The following MED25 variants were observed in gnomAD, a reference collection of about 807,000 sequenced individuals.
MED25 encodes the protein mediator of RNA polymerase II transcription subunit 25.
In MED25, 62 loss-of-function variants were observed where a neutral mutation model predicts 89.4. The ratio of observed to expected loss-of-function variants is 0.69; its 90% CI spans 0.57 to 0.86. The LOEUF is 0.86. Among genes scored for constraint, MED25 ranks in the 40% least tolerant of loss-of-function variants. MED25 has a pLI of 0.00. For missense variants in MED25, 905 were observed against 1,005.2 expected (o/e 0.90, Z 1.35); for synonymous variants, 449 against 427.9 (o/e 1.05, Z -0.61).
At chr19:49,822,922 C>T (rs1345927139) in intron 3 of MED25, among the ~76,000 whole-genome samples, 2 of 152,126 alleles carry the variant, frequency 1.3e-5, no homozygotes, top group Non-Finnish European at 2.9e-5. Flanking sequence ...GCTGGGATTA[C>T]AGGCGTGAGC....
Position 49,832,081 on chromosome 19 carries a change from C to T in MED25, c.1317-19C>T, listed in dbSNP as rs912091485. The T allele has an allele frequency of 9.9e-6, 16 of 1,613,840 alleles. No homozygotes were observed. Among genetic ancestry groups the T allele is most frequent in the Non-Finnish European group, 1.3e-5 (15 of 1,179,934 alleles). ...TGGGGCTGGCCCCCTCCTCACACCT[C>T]TCCTGGCATCGCCCCCAGGAAGACG... On this transcript the variant is annotated intron_variant, in intron 11 of 17. Coordinates refer to ENST00000312865, the MANE Select transcript of MED25 (RefSeq NM_030973.4).
chr19:49,820,979 A>C (rs1029524262), intron 3 of MED25, among the ~76,000 whole-genome samples: 1 of 152,240 alleles, frequency 6.6e-6, no homozygotes, highest in Non-Finnish European at 1.5e-5. Flanking sequence ...TGTATAATAG[A>C]TTACCACCAA....
chr19:49,830,975 G>A lies in MED25; in HGVS notation c.1101+88G>A. 7.1e-7 allele frequency: 1 copy of A among 1,417,470 alleles called. No homozygotes were observed. The highest frequency in any genetic ancestry group is 9.8e-7 in the Non-Finnish European group (1 of 1,015,962). 87.8% of individuals were successfully genotyped at this position (1,417,470 alleles called of 1,614,324 possible). On this transcript the variant is annotated intron_variant, in intron 9 of 17. Coordinates refer to ENST00000312865, the MANE Select transcript of MED25 (RefSeq NM_030973.4). This position sits in a 1 kb window ranked among gnomAD's most constrained non-coding sequence, Gnocchi z 4.6. ...AGAGGATGAGTCATTTGCCTTCCAG[G>A]GGGATGTGGCTCTCGTGGTTCTGGG...
Position 49,831,705 on chromosome 19 carries a change from C to T in MED25, c.1231-231C>T, listed in dbSNP as rs935719033. On this transcript the variant is annotated intron_variant, in intron 10 of 17. Transcript: ENST00000312865. The surrounding 1 kb of genome is among the most constrained non-coding windows in gnomAD (Gnocchi z 5.0). The stretch of plus-strand genomic sequence containing the variant: ...CAGGATTTGGGGCCCAGAGAAGAGC[C>T]CAGGCGATGTATCATCTGGGGCACA... Among the ~76,000 whole-genome samples the T allele has an allele frequency of 1.3e-5, 2 of 152,010 alleles. No homozygotes were observed. Among genetic ancestry groups the T allele is most frequent in the Non-Finnish European group, 2.9e-5 (2 of 67,988 alleles).
At chr19:49,825,646 A>G (rs2074010801) in intron 3 of MED25, among the ~76,000 whole-genome samples, 1 of 151,570 alleles carries the variant, frequency 6.6e-6, no homozygotes, top group Non-Finnish European at 1.5e-5. Context: ...AGCCCGACCA[A>G]CATGGAGAAA....
intron 12 of MED25, 31 bp from the exon 13 acceptor site, chr19:49,832,277 G>A: frequency 6.5e-7 from 1 of 1,538,270 alleles, no homozygotes; most frequent in Non-Finnish European, 8.9e-7. Context: ...GCCCACACCA[G>A]CATGCCAGCC....
At chr19:49,826,962 G>A (rs142938374) in intron 3 of MED25, among the ~76,000 whole-genome samples, 56 of 152,298 alleles carry the variant, frequency 3.7e-4, no homozygotes, top group African/African-American at 1.2e-3. Context: ...TGATGGACAC[G>A]GTTGGGCCTG....
downstream of MED25, among the ~76,000 whole-genome samples, chr19:49,838,265 C>T (rs1051327583): frequency 5.3e-5 from 8 of 152,112 alleles, no homozygotes; most frequent in African/African-American, 7.2e-5. Flanking sequence ...TTTTTTCTTA[C>T]GAGTTAGTTG....
chr19:49,830,163 C>G lies in MED25; in HGVS notation c.764C>G (p.Ala255Gly), dbSNP rs763825256. 1.7e-5 allele frequency: 28 copies of G among 1,601,970 alleles called. No individual in the cohort carries two copies. The highest frequency in any genetic ancestry group is 2.4e-5 in the Non-Finnish European group (28 of 1,170,654). The change falls in exon 7 of 18, where the codon GCC becomes GGC. Residue 255 changes from alanine (A) to glycine (G), a missense_variant. Physicochemically the swap from Ala to Gly is moderately conservative, Grantham distance 60. Coordinates refer to ENST00000312865, the MANE Select transcript of MED25 (RefSeq NM_030973.4). This position sits in a 1 kb window ranked among gnomAD's most constrained non-coding sequence, Gnocchi z 4.6. ...VPLPPAAPSG[A>G]TLSAAPQQPL... ...CTGCCTCCCGCCGCACCCTCAGGTG[C>G]CACTCTCTCAGCAGCCCCCCAGCAG...
At position 49,835,264 on chromosome 19, in the gene MED25, G is replaced by A. The variant is rs1355303392; in HGVS notation, c.1674+87G>A. On this transcript the variant is annotated intron_variant, in intron 14 of 17. Coordinates refer to ENST00000312865, the MANE Select transcript of MED25 (RefSeq NM_030973.4). This position sits in a 1 kb window ranked among gnomAD's most constrained non-coding sequence, Gnocchi z 6.2. ...CCCCTGGGGTCTCCAGGACCAAGAT[G>A]CCCACCCTTCTCCCAATATGTGGTG... 5.7e-6 allele frequency: 8 copies of A among 1,403,584 alleles called. No homozygotes were observed. The highest frequency in any genetic ancestry group is 4.0e-6 in the Non-Finnish European group (4 of 989,784). 86.9% of individuals were successfully genotyped at this position (1,403,584 alleles called of 1,614,324 possible). A position where few individuals can be genotyped will look rare whatever the true frequency, so the allele number is the denominator to read the frequency against.
Position 49,830,397 on chromosome 19 carries a change from A to G in MED25, c.820-114A>G, listed in dbSNP as rs2074046472. The G allele has an allele frequency of 2.5e-6, 3 of 1,221,106 alleles. No individual in the cohort carries two copies. Among genetic ancestry groups the G allele is most frequent in the South Asian group, 2.5e-5 (2 of 79,994 alleles). The allele number at this position is 1,221,106 out of a possible 1,614,324, so 75.6% of individuals were successfully genotyped here. On this transcript the variant is annotated intron_variant, in intron 7 of 17. Transcript: ENST00000312865. The surrounding 1 kb of genome is among the most constrained non-coding windows in gnomAD (Gnocchi z 4.6). ...TGCTGTGTGATGGGTGTTGTGAGCT[A>G]AGCTATCCCAGCTGGTGCCTCATGG...
At chr19:49,819,118 A>C (rs1047442588) in intron 2 of MED25, 54 bp from the exon 3 acceptor site, 56 of 1,609,202 alleles carry the variant, frequency 3.5e-5, no homozygotes, top group Non-Finnish European at 4.5e-5. Flanking sequence ...TCCTTCTCTA[A>C]GGGAAAAGGG....
Position 49,831,041 on chromosome 19 carries a change from A to T in MED25, c.1101+154A>T, listed in dbSNP as rs997690265. The stretch of plus-strand genomic sequence containing the variant: ...GGTGTGTGTGCTGCAGATGCCTGAG[A>T]TGAGGGTCTGGGGACAGAGTGGGGA... On this transcript the variant is annotated intron_variant, in intron 9 of 17. Transcript: ENST00000312865. This position sits in a 1 kb window ranked among gnomAD's most constrained non-coding sequence, Gnocchi z 5.0. Among the ~76,000 whole-genome samples, 2 of 151,910 alleles carry T rather than the reference A, an allele frequency of 1.3e-5. No homozygotes were observed. Among genetic ancestry groups the T allele is most frequent in the African/African-American group, 4.8e-5 (2 of 41,328 alleles).
intron 3 of MED25, among the ~76,000 whole-genome samples, chr19:49,821,810 C>T (rs948107563): frequency 1.5e-4 from 18 of 118,412 alleles, no homozygotes; most frequent in African/African-American, 6.0e-4. Flanking sequence ...GAGTGAAATT[C>T]TGTCTCAAAA....
chr19:49,831,290 G>T lies in MED25; in HGVS notation c.1102-43G>T. On this transcript the variant is annotated intron_variant, in intron 9 of 17. Transcript: ENST00000312865. This position sits in a 1 kb window ranked among gnomAD's most constrained non-coding sequence, Gnocchi z 5.0. ...CACAGGATGGCCCCCGGAGGCTCCC[G>T]GCCTTCCCCATTCTCATGGCCCTCC... 6.3e-7 allele frequency: 1 copy of T among 1,596,236 alleles called. No individual in the cohort carries two copies. Among genetic ancestry groups the T allele is most frequent in the Non-Finnish European group, 8.5e-7 (1 of 1,173,566 alleles).
Position 49,834,880 on chromosome 19 carries a change from C to T in MED25, c.1483-106C>T. 1 of 1,182,728 alleles carries T rather than the reference C, an allele frequency of 8.5e-7. No homozygotes were observed. The highest frequency in any genetic ancestry group is 1.3e-6 in the Non-Finnish European group (1 of 797,588). 73.3% of individuals were successfully genotyped at this position (1,182,728 alleles called of 1,614,324 possible). ...CCTTAACCTTCTATAGCAGAAACCT[C>T]ACCTCACCTTGCCTGTGGGGCCTCT... On this transcript the variant is annotated intron_variant, in intron 13 of 17. Coordinates refer to ENST00000312865, the MANE Select transcript of MED25 (RefSeq NM_030973.4). The surrounding 1 kb of genome is among the most constrained non-coding windows in gnomAD (Gnocchi z 4.1).
Position 49,836,477 on chromosome 19 carries a change from A to G in MED25, c.2146+71A>G, listed in dbSNP as rs1303259733. The G allele has an allele frequency of 6.7e-7, 1 of 1,501,576 alleles. No homozygotes were observed. The highest frequency in any genetic ancestry group is 2.5e-5 in the East Asian group (1 of 40,766). 93.0% of individuals were successfully genotyped at this position (1,501,576 alleles called of 1,614,324 possible). ...GCAGCTCCTGGGCTAGAGCACCAAGACCGAGTGCTCCTGGGAAGTAAAGAC... is the reference window on the plus strand; with the variant it reads ...GCAGCTCCTGGGCTAGAGCACCAAGGCCGAGTGCTCCTGGGAAGTAAAGAC... On this transcript the variant is annotated intron_variant, in intron 17 of 17. Transcript: ENST00000312865. The surrounding 1 kb of genome is among the most constrained non-coding windows in gnomAD (Gnocchi z 5.1).
Position 49,831,417 on chromosome 19 carries a change from T to C in MED25, c.1186T>C (p.Ser396Pro). The C allele has an allele frequency of 6.2e-7, 1 of 1,611,732 alleles. No homozygotes were observed. The highest frequency in any genetic ancestry group is 8.5e-7 in the Non-Finnish European group (1 of 1,179,180). ...APALGGQQSV[S>P]NKLLAWSGVL... is the part of the protein sequence containing the mutation. ...AGCCCTCGGTGGGCAGCAGTCAGTC[T>C]CCAATAAGCTTCTGGCCTGGAGCGG... Residue 396 changes from serine to proline, a missense_variant, in exon 10 of 18, where the codon TCC (serine) becomes CCC (proline). Around this residue, in one of 3 missense-constraint regions of MED25, gnomAD observed 133 missense variants for 220.2 expected, o/e 0.60. Transcript: ENST00000312865. This position sits in a 1 kb window ranked among gnomAD's most constrained non-coding sequence, Gnocchi z 5.0.
rs954553588 is a variant in MED25, at chr19:49,836,530, A to G, written c.2146+124A>G. On this transcript the variant is annotated intron_variant, in intron 17 of 17. Coordinates refer to ENST00000312865, the MANE Select transcript of MED25 (RefSeq NM_030973.4). The surrounding 1 kb of genome is among the most constrained non-coding windows in gnomAD (Gnocchi z 5.1). ...AGGATCCAAGAATGAGGGTTCCCCC[A>G]TGGCCTTTGCGGAGCTCTGAGGGCT... The G allele has an allele frequency of 1.3e-5, 17 of 1,262,210 alleles. No individual in the cohort carries two copies. The highest frequency in any genetic ancestry group is 3.9e-5 in the Admixed American group (2 of 50,650). 78.2% of individuals were successfully genotyped at this position (1,262,210 alleles called of 1,614,324 possible). A position where few individuals can be genotyped will look rare whatever the true frequency, so the allele number is the denominator to read the frequency against.
Sources: gnomAD v4.1 joint callset for allele counts (sites outside exome capture counted in the v4.1 genomes callset) on GRCh38, gnomAD v4.1.1 for gene constraint, gnomAD v4.1.1 regional missense constraint, Gnocchi (gnomAD v3.1) non-coding constraint, MANE v1.5 for transcripts, NCBI Gene and HGNC (gene_info 2026-07-23, HGNC 2026-07-21) for gene names.